Variants in PHACTR1 observed in about 807,000 individuals in gnomAD.
PHACTR1 encodes the protein phosphatase and actin regulator 1, also known as RPEL repeat containing 1.
A neutral mutation model predicts 69.2 loss-of-function variants in PHACTR1; 16 were observed. That is an observed-to-expected ratio of 0.23 (90% CI 0.16 to 0.35). The LOEUF is 0.35. PHACTR1 is among the 10% of genes least tolerant of loss of function. The probability of loss-of-function intolerance (pLI) is 1.00; values close to 1 mark genes in which losing one functional copy is unlikely to be tolerated. For synonymous variants in PHACTR1, 312 were observed against 284.5 expected (o/e 1.10, Z -0.97); for missense variants, 510 against 734.7 (o/e 0.69, Z 3.54).
intron 4 of PHACTR1, among the ~76,000 whole-genome samples, chr6:12,971,509 G>T (rs147616872): frequency 6.6e-6 from 1 of 152,130 alleles, no homozygotes; most frequent in South Asian, 2.1e-4. Flanking sequence ...ATATGACCCA[G>T]GACAAAAGTC....
intron 7 of PHACTR1, among the ~76,000 whole-genome samples, chr6:13,187,587 T>C (rs1762978769): frequency 6.6e-6 from 1 of 151,876 alleles, no homozygotes; most frequent in Non-Finnish European, 1.5e-5. Context: ...AGCAGAGGAG[T>C]GATATGATGA....
At chr6:12,855,311 A>G (rs1727014888) in intron 4 of PHACTR1, among the ~76,000 whole-genome samples, 1 of 152,196 alleles carries the variant, frequency 6.6e-6, no homozygotes, top group East Asian at 1.9e-4. Context: ...GACTAGCTGG[A>G]TGTGGTGGTG....
intron 4 of PHACTR1, among the ~76,000 whole-genome samples, chr6:12,856,255 CT>C (rs66541950): frequency 1.3e-4 from 18 of 135,790 alleles, no homozygotes; most frequent in African/African-American, 2.2e-4. Flanking sequence ...TTCTTTCTTT[CT>C]TTTTTTTTTT....
intron 4 of PHACTR1, among the ~76,000 whole-genome samples, chr6:12,894,597 T>C (rs1295372995): frequency 6.6e-6 from 1 of 152,160 alleles, no homozygotes; most frequent in Non-Finnish European, 1.5e-5. Context: ...AGAGCAAGAC[T>C]CCTTCTGAAA....
At chr6:12,846,183 G>A (rs559108809) in intron 4 of PHACTR1, among the ~76,000 whole-genome samples, 47 of 152,300 alleles carry the variant, frequency 3.1e-4, no homozygotes, top group East Asian at 1.9e-4. Flanking sequence ...ATTGTTGGTC[G>A]GTGTGCCCAG....
intron 4 of PHACTR1, among the ~76,000 whole-genome samples, chr6:12,797,538 G>T (rs1409919272): frequency 1.3e-5 from 2 of 152,160 alleles, no homozygotes; most frequent in African/African-American, 4.8e-5. Context: ...GGAGGAAAAG[G>T]AAATAAACAA....
intron 10 of PHACTR1, among the ~76,000 whole-genome samples, chr6:13,249,315 C>T (rs1052442329): frequency 6.6e-6 from 1 of 152,100 alleles, no homozygotes. Context: ...CTCTAACTTA[C>T]GCCTGATGAT....
intron 4 of PHACTR1, among the ~76,000 whole-genome samples, chr6:13,026,871 G>C (rs1162386847): frequency 6.6e-6 from 1 of 151,940 alleles, no homozygotes. Flanking sequence ...GGCTGCTCTA[G>C]ACACCAGAGT....
intron 4 of PHACTR1, among the ~76,000 whole-genome samples, chr6:12,795,896 T>C (rs1772936664): frequency 6.6e-6 from 1 of 152,164 alleles, no homozygotes; most frequent in Non-Finnish European, 1.5e-5. Context: ...AAAGAATCAA[T>C]TCCTTTTCTT....
chr6:12,970,571 C>T (rs912131380), intron 4 of PHACTR1, among the ~76,000 whole-genome samples: 2 of 152,240 alleles, frequency 1.3e-5, no homozygotes, highest in African/African-American at 4.8e-5. Context: ...TCATCCTGGC[C>T]AACATGAAAC....
intron 3 of PHACTR1, among the ~76,000 whole-genome samples, chr6:12,725,413 C>T (rs1216313944): frequency 7.2e-5 from 11 of 152,202 alleles, no homozygotes; most frequent in Admixed American, 2.0e-4. Context: ...CCATTGTCAC[C>T]TCCCCTGTGA....
At chr6:12,937,176 G>A (rs1789551186) in intron 4 of PHACTR1, among the ~76,000 whole-genome samples, 2 of 152,080 alleles carry the variant, frequency 1.3e-5, no homozygotes. Flanking sequence ...ACCTTTCTGT[G>A]TTAGGCTAGC....
chr6:13,224,151 T>C (rs192365247), intron 8 of PHACTR1, among the ~76,000 whole-genome samples: 1 of 152,322 alleles, frequency 6.6e-6, no homozygotes, highest in East Asian at 1.9e-4. Flanking sequence ...GCACTAAGCA[T>C]AGTAATAGGA....
At chr6:13,285,303 T>C (rs1781432319) in intron 13 of PHACTR1, among the ~76,000 whole-genome samples, 1 of 152,196 alleles carries the variant, frequency 6.6e-6, no homozygotes, top group African/African-American at 2.4e-5. Flanking sequence ...CAGCCTTCTT[T>C]TCCTGGGGAG....
intron 1 of PHACTR1, 37 bp from the exon 2 acceptor site, chr6:12,717,472 T>A (rs1403508981): frequency 6.6e-6 from 1 of 152,100 alleles, no homozygotes; most frequent in Non-Finnish European, 1.5e-5. Flanking sequence ...TCTGCCAAAG[T>A]TTTACACGGG....
At chr6:12,864,861 A>G (rs900061214) in intron 4 of PHACTR1, among the ~76,000 whole-genome samples, 4 of 152,092 alleles carry the variant, frequency 2.6e-5, no homozygotes, top group Non-Finnish European at 4.4e-5. Context: ...AGCTTAAAGG[A>G]TTTCATGGTT....
intron 3 of PHACTR1, among the ~76,000 whole-genome samples, chr6:12,719,606 G>A (rs1761849244): frequency 6.6e-6 from 1 of 152,180 alleles, no homozygotes; most frequent in South Asian, 2.1e-4. Context: ...TACAGGTGAT[G>A]CATTGAGAAG....
chr6:12,886,678 A>C (rs1783674300), intron 4 of PHACTR1, among the ~76,000 whole-genome samples: 1 of 152,196 alleles, frequency 6.6e-6, no homozygotes, highest in South Asian at 2.1e-4. Context: ...AGGACCCAAC[A>C]GAGAACCTTC....
At chr6:12,984,191 C>T (rs1301489488) in intron 4 of PHACTR1, among the ~76,000 whole-genome samples, 3 of 152,226 alleles carry the variant, frequency 2.0e-5, no homozygotes, top group African/African-American at 7.2e-5. Context: ...GATTTCTCCA[C>T]ATCCTCTCCA....
Sources: allele counts gnomAD v4.1 joint callset (sites outside exome capture counted in the v4.1 genomes callset), GRCh38; gene constraint gnomAD v4.1.1; transcripts MANE v1.5; gene names NCBI Gene and HGNC (gene_info 2026-07-23, HGNC 2026-07-21).